The following CNBD1 variants were observed in gnomAD, a reference collection of about 807,000 sequenced individuals.
CNBD1 encodes the protein cyclic nucleotide-binding domain-containing protein 1.
Under a neutral mutation model 54.4 loss-of-function variants are expected in CNBD1, and 71 were observed. The ratio of observed to expected loss-of-function variants is 1.30; its 90% CI spans 1.08 to 1.59. The LOEUF is 1.59. Ranked by LOEUF, CNBD1 falls within the 40% of genes most tolerant of loss-of-function variation. CNBD1 has a pLI of 0.00. For missense variants in CNBD1, 659 were observed against 518.0 expected, an observed-to-expected ratio of 1.27 and a Z score of -2.64; for synonymous variants, 182 against 170.7, an observed-to-expected ratio of 1.07 and a Z score of -0.51.
At chr8:87,356,610 G>C (rs1810424907) in intron 10 of CNBD1, among the ~76,000 whole-genome samples, 1 of 152,090 alleles carries the variant, frequency 6.6e-6, no homozygotes, top group Non-Finnish European at 1.5e-5. Context: ...AATCATATAT[G>C]AGCATAAAAG....
At chr8:87,307,135 G>A (rs916406959) in intron 8 of CNBD1, among the ~76,000 whole-genome samples, 7 of 152,096 alleles carry the variant, frequency 4.6e-5, no homozygotes, top group African/African-American at 7.2e-5. Context: ...TAACAGATTC[G>A]TCTTAGATTT....
At chr8:87,006,797 G>A (rs992974695) in intron 4 of CNBD1, among the ~76,000 whole-genome samples, 2 of 152,188 alleles carry the variant, frequency 1.3e-5, no homozygotes, top group African/African-American at 4.8e-5. Context: ...TTCCTGCCTT[G>A]AATGTTTCTC....
At chr8:87,308,221 A>G (rs1349510151) in intron 8 of CNBD1, among the ~76,000 whole-genome samples, 1 of 152,128 alleles carries the variant, frequency 6.6e-6, no homozygotes, top group Non-Finnish European at 1.5e-5. Context: ...TTGTTCAGTT[A>G]TTGCTTGGTA....
chr8:87,288,711 TGTTA>T (rs1808737263), intron 8 of CNBD1, among the ~76,000 whole-genome samples: 1 of 152,100 alleles, frequency 6.6e-6, no homozygotes, highest in Non-Finnish European at 1.5e-5. Context: ...CGGTGGTGTT[TGTTA>T]AACTACCGAT....
At chr8:87,400,751 T>C (rs1465425255) in intron 2 of CNBD1, among the ~76,000 whole-genome samples, 1 of 152,074 alleles carries the variant, frequency 6.6e-6, no homozygotes, top group African/African-American at 2.4e-5. Context: ...GGAAAAAAAA[T>C]TACTTATCCT....
intron 4 of CNBD1, among the ~76,000 whole-genome samples, chr8:87,204,154 G>T (rs1307409550): frequency 1.3e-5 from 2 of 152,110 alleles, no homozygotes; most frequent in South Asian, 4.1e-4. Context: ...ACTTTTTTTG[G>T]AGCATAATAT....
At chr8:87,413,943 C>A (rs1807794919) in intron 2 of CNBD1, among the ~76,000 whole-genome samples, 1 of 151,510 alleles carries the variant, frequency 6.6e-6, no homozygotes, top group Non-Finnish European at 1.5e-5. Flanking sequence ...ACTAGTTCAA[C>A]CATTGTGGAA....
At position 87,163,200 on chromosome 8, in the gene CNBD1, A is replaced by T. The variant is rs1325416484; in HGVS notation, c.432-42793A>T. The stretch of plus-strand genomic sequence containing the variant: ...ACAAATGTACAATATTTTGGTATTA[A>T]TAACATCTCATTTCTGAGATAAGCT... On this transcript the variant is annotated intron_variant, in intron 4 of 10. Coordinates refer to ENST00000518476, the MANE Select transcript of CNBD1 (RefSeq NM_173538.3). This position sits in a 1 kb window ranked among gnomAD's most constrained non-coding sequence, Gnocchi z 4.5. 6.6e-6 allele frequency among the ~76,000 whole-genome samples: 1 copy of T among 152,124 alleles called. No individual in the cohort carries two copies. The highest frequency in any genetic ancestry group is 1.5e-5 in the Non-Finnish European group (1 of 68,000).
chr8:87,146,881 T>C (rs934210560), intron 4 of CNBD1, among the ~76,000 whole-genome samples: 3 of 152,284 alleles, frequency 2.0e-5, no homozygotes, highest in African/African-American at 7.2e-5. Context: ...AAGGTATGTG[T>C]ATATATATGT....
At chr8:87,315,085 T>C (rs183843224) in intron 8 of CNBD1, among the ~76,000 whole-genome samples, 24 of 152,030 alleles carry the variant, frequency 1.6e-4, no homozygotes, top group Admixed American at 1.5e-3. Context: ...GATTGGAACA[T>C]AAATATTTTA....
intron 4 of CNBD1, among the ~76,000 whole-genome samples, chr8:87,157,707 G>A (rs2130755886): frequency 6.6e-6 from 1 of 152,290 alleles, no homozygotes; most frequent in East Asian, 1.9e-4. Context: ...GGGCAGAGGG[G>A]TCTCAAAATC....
chr8:87,341,003 A>G (rs374034757), intron 8 of CNBD1, among the ~76,000 whole-genome samples: 9 of 151,878 alleles, frequency 5.9e-5, no homozygotes, highest in African/African-American at 7.3e-5. Flanking sequence ...ACAACTATCT[A>G]TCTCTTTAAT....
chr8:87,128,626 T>C (rs1216845241), intron 4 of CNBD1, among the ~76,000 whole-genome samples: 3 of 152,208 alleles, frequency 2.0e-5, no homozygotes, highest in Non-Finnish European at 4.4e-5. Context: ...TCTATGAAGA[T>C]AATCGTATAG....
At chr8:86,870,132 A>G (rs1808420451) in intron 1 of CNBD1, among the ~76,000 whole-genome samples, 1 of 151,524 alleles carries the variant, frequency 6.6e-6, no homozygotes, top group Admixed American at 6.6e-5. Context: ...TGGAAAAAAA[A>G]AAGCATTCAA....
chr8:87,410,143 G>C (rs2130984098), intron 2 of CNBD1, among the ~76,000 whole-genome samples: 1 of 152,172 alleles, frequency 6.6e-6, no homozygotes, highest in Non-Finnish European at 1.5e-5. Flanking sequence ...GCCCAGAATT[G>C]AGACCTACTG....
intron 4 of CNBD1, among the ~76,000 whole-genome samples, chr8:87,203,807 G>A (rs62527349): frequency 0.047 from 7,124 of 152,064 alleles, 209 homozygotes; most frequent in Non-Finnish European, 0.065. Context: ...CCCCTTACAC[G>A]ATACACAATA....
At chr8:87,303,003 A>G (rs1809045239) in intron 8 of CNBD1, among the ~76,000 whole-genome samples, 1 of 151,740 alleles carries the variant, frequency 6.6e-6, no homozygotes, top group African/African-American at 2.4e-5. Flanking sequence ...AAACAAATGG[A>G]AGAACATTCC....
At chr8:87,016,865 A>G (rs1354434324) in intron 4 of CNBD1, among the ~76,000 whole-genome samples, 1 of 152,208 alleles carries the variant, frequency 6.6e-6, no homozygotes, top group Non-Finnish European at 1.5e-5. Context: ...AATACCAAGT[A>G]AAGTACCCCA....
chr8:87,192,655 A>T (rs1286465159), intron 4 of CNBD1, among the ~76,000 whole-genome samples: 3 of 152,196 alleles, frequency 2.0e-5, no homozygotes, highest in African/African-American at 7.2e-5. Flanking sequence ...GTGAGTAACC[A>T]ACTAATTAAA....
Sources: allele counts gnomAD v4.1 joint callset (sites outside exome capture counted in the v4.1 genomes callset), GRCh38; gene constraint gnomAD v4.1.1; non-coding constraint Gnocchi (gnomAD v3.1); transcripts MANE v1.5; gene names NCBI Gene and HGNC (gene_info 2026-07-23, HGNC 2026-07-21).